The following DLGAP1 variants were observed in gnomAD, a reference collection of about 807,000 sequenced individuals.
The protein encoded by DLGAP1 is DLG associated protein 1, also known as disks large-associated protein 1.
In DLGAP1, 11 loss-of-function variants were observed where a neutral mutation model predicts 90.8. The observed-to-expected ratio is 0.12, with a 90% CI of 0.08 to 0.20. DLGAP1 has a LOEUF of 0.20. Ranked by LOEUF, DLGAP1 falls within the 10% of genes least tolerant of loss-of-function variation. The pLI, the probability that DLGAP1 is intolerant of heterozygous loss-of-function variation, is 1.00. For missense variants in DLGAP1, 1,050 were observed against 1,333.8 expected (o/e 0.79, Z 3.31); for synonymous variants, 558 against 540.7 (o/e 1.03, Z -0.44).
At chr18:4,063,346 A>T (rs1217297839) in intron 2 of DLGAP1, among the ~76,000 whole-genome samples, 1 of 152,136 alleles carries the variant, frequency 6.6e-6, no homozygotes, top group East Asian at 1.9e-4. Context: ...GTCTGCAGAT[A>T]AGCTTGGCTA....
At chr18:4,203,376 A>C (rs905774160) in intron 1 of DLGAP1, among the ~76,000 whole-genome samples, 2 of 152,050 alleles carry the variant, frequency 1.3e-5, no homozygotes, top group Admixed American at 1.3e-4. Flanking sequence ...TTCATTAAAT[A>C]TTTTCTAAGG....
intron 1 of DLGAP1, among the ~76,000 whole-genome samples, chr18:4,305,534 CA>C (rs562977821): frequency 2.9e-3 from 211 of 73,046 alleles, no homozygotes; most frequent in South Asian, 8.2e-3. Flanking sequence ...AACTCCGTCT[CA>C]AAAAAAAAAA....
At chr18:4,376,906 T>A (rs1477408828) in intron 1 of DLGAP1, among the ~76,000 whole-genome samples, 1 of 152,216 alleles carries the variant, frequency 6.6e-6, no homozygotes, top group Non-Finnish European at 1.5e-5. Context: ...ACTTAAAATA[T>A]AATTTCCTTG....
chr18:3,661,032 CA>C (rs1420376209), intron 7 of DLGAP1, among the ~76,000 whole-genome samples: 1 of 152,092 alleles, frequency 6.6e-6, no homozygotes, highest in Non-Finnish European at 1.5e-5. Context: ...GAGACTTTTT[CA>C]AAAGATCATG....
At chr18:4,017,693 T>A (rs1164680171) in intron 2 of DLGAP1, among the ~76,000 whole-genome samples, 2 of 152,158 alleles carry the variant, frequency 1.3e-5, no homozygotes, top group Non-Finnish European at 2.9e-5. Flanking sequence ...GCCTTAAACT[T>A]CACTATAAGT....
chr18:4,439,808 T>C (rs1225702263), intron 1 of DLGAP1, among the ~76,000 whole-genome samples: 4 of 151,400 alleles, frequency 2.6e-5, no homozygotes, highest in Non-Finnish European at 5.9e-5. Flanking sequence ...AGATTTTGTC[T>C]GTAAAAAATT....
chr18:4,112,215 T>C (rs1381234389), intron 2 of DLGAP1, among the ~76,000 whole-genome samples: 1 of 152,130 alleles, frequency 6.6e-6, no homozygotes, highest in East Asian at 1.9e-4. Context: ...AATTTCCACA[T>C]ACTTGAGAAT....
intron 5 of DLGAP1, among the ~76,000 whole-genome samples, chr18:3,780,946 A>T (rs3909243): frequency 0.45 from 69,032 of 151,900 alleles, 15,961 homozygotes; most frequent in East Asian, 0.67. Context: ...AGTAGCTAGG[A>T]CTACAGACAT....
chr18:4,239,109 T>G (rs1261116673), intron 1 of DLGAP1, among the ~76,000 whole-genome samples: 1 of 152,168 alleles, frequency 6.6e-6, no homozygotes, highest in Non-Finnish European at 1.5e-5. Flanking sequence ...GGTATCACAG[T>G]CTATACCGTA....
At chr18:3,776,526 G>A (rs1467736649) in intron 5 of DLGAP1, among the ~76,000 whole-genome samples, 1 of 152,120 alleles carries the variant, frequency 6.6e-6, no homozygotes, top group Non-Finnish European at 1.5e-5. Context: ...CCAGTTCTTG[G>A]CTTCCTTGCT....
intron 3 of DLGAP1, among the ~76,000 whole-genome samples, chr18:3,942,580 G>A (rs989376332): frequency 1.3e-5 from 2 of 152,196 alleles, no homozygotes; most frequent in African/African-American, 4.8e-5. Context: ...AAGGGCTGCA[G>A]TAACTTGGTC....
intron 1 of DLGAP1, among the ~76,000 whole-genome samples, chr18:4,190,905 T>A (rs916014620): frequency 6.6e-6 from 1 of 152,144 alleles, no homozygotes; most frequent in African/African-American, 2.4e-5. Flanking sequence ...TCTTCAAGTT[T>A]GAAAAGTTAT....
chr18:3,677,213 T>C (rs1421266314), intron 7 of DLGAP1, among the ~76,000 whole-genome samples: 1 of 152,200 alleles, frequency 6.6e-6, no homozygotes, highest in Non-Finnish European at 1.5e-5. Flanking sequence ...GTTCCATTTC[T>C]AAATTATGGA....
intron 1 of DLGAP1, among the ~76,000 whole-genome samples, chr18:4,256,501 A>G (rs2078890356): frequency 6.6e-6 from 1 of 152,184 alleles, no homozygotes; most frequent in African/African-American, 2.4e-5. Context: ...GTTTTGTAAA[A>G]TTTACTCAGA....
intron 3 of DLGAP1, among the ~76,000 whole-genome samples, chr18:3,887,381 C>T (rs1568280402): frequency 6.6e-6 from 1 of 152,158 alleles, no homozygotes; most frequent in Non-Finnish European, 1.5e-5. Context: ...TTAAACAAGA[C>T]AGTGGCATGG....
At chr18:3,999,969 G>A (rs916694167) in intron 3 of DLGAP1, among the ~76,000 whole-genome samples, 4 of 152,072 alleles carry the variant, frequency 2.6e-5, no homozygotes, top group African/African-American at 7.2e-5. Flanking sequence ...ATGCCACTGC[G>A]CCTGGCTAAT....
intron 1 of DLGAP1, among the ~76,000 whole-genome samples, chr18:4,432,458 T>G (rs1478068844): frequency 6.8e-6 from 1 of 147,458 alleles, no homozygotes; most frequent in Non-Finnish European, 1.5e-5. Context: ...GCTCTAATTT[T>G]AAAAGGAAAC....
intron 9 of DLGAP1, among the ~76,000 whole-genome samples, chr18:3,538,371 G>T (rs1416501089): frequency 7.5e-6 from 1 of 133,754 alleles, no homozygotes; most frequent in African/African-American, 3.2e-5. Flanking sequence ...ACTCTCAAAT[G>T]AGCCAAAAAA....
chr18:4,343,712 T>C (rs2081249906), intron 1 of DLGAP1, among the ~76,000 whole-genome samples: 1 of 152,134 alleles, frequency 6.6e-6, no homozygotes, highest in South Asian at 2.1e-4. Flanking sequence ...GACGGGTTGA[T>C]GGGTACAGCA....
Sources: allele counts gnomAD v4.1 joint callset (sites outside exome capture counted in the v4.1 genomes callset), GRCh38; gene constraint gnomAD v4.1.1; transcripts MANE v1.5; gene names NCBI Gene and HGNC (gene_info 2026-07-23, HGNC 2026-07-21).